DHX15: variants seen among roughly 807,000 people sequenced by gnomAD.
The protein encoded by DHX15 is ATP-dependent RNA helicase DHX15.
A neutral mutation model predicts 94.4 loss-of-function variants in DHX15; 11 were observed. The observed-to-expected ratio is 0.12, with a 90% CI of 0.07 to 0.19. DHX15 has a LOEUF of 0.19. DHX15 is among the 10% of genes least tolerant of loss of function. The pLI is 1.00. For synonymous variants in DHX15, 338 were observed against 329.9 expected, an observed-to-expected ratio of 1.02 and a Z score of -0.27; for missense variants, 304 against 988.5, an observed-to-expected ratio of 0.31 and a Z score of 9.29.
rs747281357 is a variant in DHX15, at chr4:24,554,796, G to C, written c.1009C>G (p.Arg337Gly). ...CACATATGAATCTGGATAACTGTTC[G>C]AATTGCTGCTTCAAGATAATCTCTC... Reference protein sequence around the residue: ...PERDYLEAAIRTVIQIHMCEE... With the variant: ...PERDYLEAAIGTVIQIHMCEE... Residue 337 changes from arginine to glycine, a missense_variant, in exon 5 of 14, where the codon CGA (arginine) becomes GGA (glycine). Coordinates refer to ENST00000336812, the MANE Select transcript of DHX15 (RefSeq NM_001358.3). The C allele has an allele frequency of 6.2e-7, 1 of 1,613,730 alleles. No homozygotes were observed. Among genetic ancestry groups the C allele is most frequent in the South Asian group, 1.1e-5 (1 of 91,064 alleles).
chr4:24,544,148 T>G lies in DHX15; in HGVS notation c.1249-1122A>C, dbSNP rs1456402375. Among the ~76,000 whole-genome samples, 5 of 152,268 alleles carry G rather than the reference T, an allele frequency of 3.3e-5. No individual in the cohort carries two copies. In the East Asian group the frequency reaches 9.6e-4, roughly 29 times the overall value. ...CTTAAAAAAACACATGTGGGAGAAA[T>G]GCCTATGGGCACATACAAAAAATGA... On this transcript the variant is annotated intron_variant, in intron 6 of 13. Coordinates refer to ENST00000336812, the MANE Select transcript of DHX15 (RefSeq NM_001358.3).
chr4:24,564,972 C>T (rs1316818763), intron 3 of DHX15, among the ~76,000 whole-genome samples: 1 of 152,146 alleles, frequency 6.6e-6, no homozygotes, highest in Non-Finnish European at 1.5e-5. Flanking sequence ...AGCTAAAATA[C>T]ATTTGGTATG....
chr4:24,563,427 T>A (rs1234094069), intron 3 of DHX15: 1 of 152,090 alleles, frequency 6.6e-6, no homozygotes, highest in Non-Finnish European at 1.5e-5. Flanking sequence ...CCTCCCAAAG[T>A]ATTGGGATTA....
chr4:24,541,820 T>A, intron 8 of DHX15, 53 bp downstream of exon 8: 1 of 1,470,664 alleles, frequency 6.8e-7, no homozygotes, highest in South Asian at 1.4e-5. Flanking sequence ...TCTGGTAAGA[T>A]AATTCAACCT....
At chr4:24,579,658 CT>C (rs1255169810) in intron 1 of DHX15, among the ~76,000 whole-genome samples, 1 of 152,134 alleles carries the variant, frequency 6.6e-6, no homozygotes, top group East Asian at 1.9e-4. Flanking sequence ...TAAGATGTGG[CT>C]ATCAATATGT....
chr4:24,550,728 C>G (rs1721583603), intron 5 of DHX15, among the ~76,000 whole-genome samples: 1 of 152,122 alleles, frequency 6.6e-6, no homozygotes, highest in Admixed American at 6.5e-5. Flanking sequence ...GCCTGTTTTA[C>G]AGTTAACATT....
chr4:24,560,938 G>C lies in DHX15; in HGVS notation c.702-4528C>G, dbSNP rs180821436. Among the ~76,000 whole-genome samples the C allele has an allele frequency of 3.4e-3, 524 of 152,302 alleles. 6 individuals are homozygous for C. Among genetic ancestry groups the C allele is most frequent in the African/African-American group, 0.012 (500 of 41,568 alleles). On this transcript the variant is annotated intron_variant, in intron 3 of 13. Transcript: ENST00000336812. ...AAGATAAAAAGTTTTATAATGCTGAGTTGGCAAGGGTAAAGAAACAGATGC... is the reference window on the plus strand; with the variant it reads ...AAGATAAAAAGTTTTATAATGCTGACTTGGCAAGGGTAAAGAAACAGATGC...
chr4:24,549,986 G>A (rs919170298), intron 5 of DHX15, among the ~76,000 whole-genome samples: 40 of 150,988 alleles, frequency 2.6e-4, no homozygotes, highest in African/African-American at 7.3e-4. Context: ...CCAGCTACTC[G>A]GGAGGCTGAG....
At chr4:24,550,373 A>G (rs1283920631) in intron 5 of DHX15, among the ~76,000 whole-genome samples, 1 of 152,104 alleles carries the variant, frequency 6.6e-6, no homozygotes, top group Non-Finnish European at 1.5e-5. Flanking sequence ...TTAACTTTAT[A>G]AACTTCTAAA....
At chr4:24,540,322 T>C (rs538894078) in intron 9 of DHX15, 23 bp from the exon 10 acceptor site, 3 of 1,592,466 alleles carry the variant, frequency 1.9e-6, no homozygotes, top group Non-Finnish European at 1.7e-6. Context: ...GACAATCTAT[T>C]AGACACGGTG....
At chr4:24,535,605 C>G (rs1389602032) in intron 11 of DHX15, among the ~76,000 whole-genome samples, 2 of 152,146 alleles carry the variant, frequency 1.3e-5, no homozygotes, top group African/African-American at 4.8e-5. Context: ...ATATCTGCCC[C>G]CAAGTTTTCT....
At chr4:24,554,412 C>T (rs200229792) in intron 5 of DHX15, among the ~76,000 whole-genome samples, 3 of 152,328 alleles carry the variant, frequency 2.0e-5, no homozygotes, top group East Asian at 3.9e-4. Context: ...GATTTCAAAG[C>T]AGCTGTGATG....
intron 1 of DHX15, 42 bp downstream of exon 1, chr4:24,584,278 CCAA>C: frequency 6.3e-7 from 1 of 1,583,400 alleles, no homozygotes; most frequent in South Asian, 1.1e-5. Flanking sequence ...TGCCAGGACC[CCAA>C]CAAAGCCCGA....
At position 24,578,621 on chromosome 4, in the gene DHX15, G is replaced by A. The variant is rs12331474; in HGVS notation, c.72-1943C>T. ...CCATTACCCGGGTTGGAGTGCAGTGGCTCACTGGATCATGGCTCACTGCAA... is the reference window on the plus strand; with the variant it reads ...CCATTACCCGGGTTGGAGTGCAGTGACTCACTGGATCATGGCTCACTGCAA... On this transcript the variant is annotated intron_variant, in intron 1 of 13. Coordinates refer to ENST00000336812, the MANE Select transcript of DHX15 (RefSeq NM_001358.3). Among the ~76,000 whole-genome samples the A allele has an allele frequency of 7.1e-3, 1,074 of 152,162 alleles. 17 individuals carry two copies. The highest frequency in any genetic ancestry group is 0.024 in the African/African-American group (1,012 of 41,490).
At chr4:24,541,520 GA>G (rs1242959362) in intron 8 of DHX15, among the ~76,000 whole-genome samples, 3 of 151,880 alleles carry the variant, frequency 2.0e-5, no homozygotes, top group Non-Finnish European at 2.9e-5. Flanking sequence ...AGTAAGGAAA[GA>G]AAAAAAGTTG....
intron 11 of DHX15, among the ~76,000 whole-genome samples, chr4:24,534,920 AAAT>A: frequency 6.6e-6 from 1 of 151,510 alleles, no homozygotes; most frequent in Non-Finnish European, 1.5e-5. Context: ...GGATATATCG[AAAT>A]AATAACACGT....
chr4:24,576,347 G>A lies in DHX15; in HGVS notation c.403C>T (p.Leu135Phe). ...PRYYDILKKR[L>F]QLPVWEYKDR... ...TTGTATTCCCAAACAGGGAGCTGAA[G>A]ACGTTTCTTTAGAATATCATAGTAT... Residue 135 changes from leucine (L) to phenylalanine (F), a missense_variant, in exon 2 of 14, where the codon CTT (leucine) becomes TTT (phenylalanine). Transcript: ENST00000336812. The A allele has an allele frequency of 6.2e-7, 1 of 1,614,194 alleles. No homozygotes were observed. Among genetic ancestry groups the A allele is most frequent in the Non-Finnish European group, 8.5e-7 (1 of 1,180,040 alleles).
At chr4:24,574,076 C>A (rs1026844035) in intron 2 of DHX15, among the ~76,000 whole-genome samples, 3 of 150,056 alleles carry the variant, frequency 2.0e-5, no homozygotes, top group Non-Finnish European at 4.4e-5. Context: ...CATGGTGGTG[C>A]GCGCTTGTAG....
intron 11 of DHX15, among the ~76,000 whole-genome samples, chr4:24,534,600 G>A (rs1372493092): frequency 6.6e-6 from 1 of 152,052 alleles, no homozygotes; most frequent in Non-Finnish European, 1.5e-5. Context: ...AAGATCTAAA[G>A]CCAAACCATT....
Sources: gnomAD v4.1 joint callset for allele counts (sites outside exome capture counted in the v4.1 genomes callset) on GRCh38, gnomAD v4.1.1 for gene constraint, MANE v1.5 for transcripts, NCBI Gene and HGNC (gene_info 2026-07-23, HGNC 2026-07-21) for gene names.